The following SBNO2 variants were observed in gnomAD, a reference collection of about 807,000 sequenced individuals.
SBNO2 encodes the protein protein strawberry notch homolog 2.
SBNO2 carries 89 observed loss-of-function variants against 146.3 expected under a neutral mutation model. That is an observed-to-expected ratio of 0.61 (90% CI 0.51 to 0.73). The LOEUF is 0.73. Among genes scored for constraint, SBNO2 ranks in the 30% least tolerant of loss-of-function variants. The probability of loss-of-function intolerance (pLI) is 0.00; values close to 1 mark genes in which losing one functional copy is unlikely to be tolerated. For synonymous variants in SBNO2, 1,147 were observed against 892.6 expected (o/e 1.29, Z -5.08); for missense variants, 2,092 against 2,003.7 (o/e 1.04, Z -0.84).
intron 4 of SBNO2, among the ~76,000 whole-genome samples, chr19:1,142,429 C>G (rs1040508181): frequency 6.6e-6 from 1 of 152,250 alleles, no homozygotes; most frequent in East Asian, 1.9e-4. Context: ...AAACTCAGGG[C>G]TCAGGTGTAT....
chr19:1,128,004 C>T (rs764730639), intron 4 of SBNO2, among the ~76,000 whole-genome samples: 7 of 152,056 alleles, frequency 4.6e-5, no homozygotes, highest in African/African-American at 7.2e-5. Flanking sequence ...TTACTAGGGA[C>T]GGGGTTTCAC....
At chr19:1,114,057 C>A (rs1599827545) in intron 18 of SBNO2, among the ~76,000 whole-genome samples, 174 bp downstream of exon 18, 1 of 152,324 alleles carries the variant, frequency 6.6e-6, no homozygotes, top group East Asian at 1.9e-4. Flanking sequence ...AAAGTGGGCA[C>A]CATAGCAGCA....
Position 1,110,956 on chromosome 19 carries a change from G to T in SBNO2, c.2884+63C>A. On this transcript the variant is annotated intron_variant, in intron 25 of 31. Transcript: ENST00000361757. This position sits in a 1 kb window ranked among gnomAD's most constrained non-coding sequence, Gnocchi z 4.9. ...CCTCTCCCTGCTTTGCTCACCACCC[G>T]AGGCCAAGGTTGCATGAGATGAGAG... 1.9e-6 allele frequency: 3 copies of T among 1,610,470 alleles called. No individual in the cohort carries two copies. Among genetic ancestry groups the T allele is most frequent in the South Asian group, 2.2e-5 (2 of 90,936 alleles).
Position 1,108,306 on chromosome 19 carries a change from C to G in SBNO2, c.4015G>C (p.Ala1339Pro), listed in dbSNP as rs1053323254. Residue 1339 changes from alanine (A) to proline (P), a missense_variant, in exon 32 of 32, where the codon GCG (alanine) becomes CCG (proline). Physicochemically the swap from Ala to Pro is conservative, Grantham distance 27. Transcript: ENST00000361757. Reference sequence around the variant, plus strand: ...GGACCACCGCCCGCCGCGCCCCCCGCCCCCGCGCCCTCCCCCAGCGCGCCC... The same window carrying G: ...GGACCACCGCCCGCCGCGCCCCCCGGCCCCGCGCCCTCCCCCAGCGCGCCC... ...SEGALGEGAG[A>P]GGAAGGGPER... 6.8e-7 allele frequency: 1 copy of G among 1,462,194 alleles called. No individual in the cohort carries two copies. The highest frequency in any genetic ancestry group is 9.1e-7 in the Non-Finnish European group (1 of 1,103,384). The allele number at this position is 1,462,194 out of a possible 1,614,324, so 90.6% of individuals were successfully genotyped here. A position where few individuals can be genotyped will look rare whatever the true frequency, so the allele number is the denominator to read the frequency against.
At chr19:1,156,278 T>TC (rs2080289101) in intron 1 of SBNO2, among the ~76,000 whole-genome samples, 1 of 152,006 alleles carries the variant, frequency 6.6e-6, no homozygotes, top group Non-Finnish European at 1.5e-5. Flanking sequence ...ACCGGGTTCT[T>TC]CAAGGGGAGG....
In SBNO2 at chr19:1,112,800, T is replaced by G. The variant is rs1231850033; in HGVS notation, c.2379+18A>C. 20 of 1,558,454 alleles carry G rather than the reference T, an allele frequency of 1.3e-5. No homozygotes were observed. Among genetic ancestry groups the G allele is most frequent in the Middle Eastern group, 3.5e-4 (2 of 5,754 alleles). On this transcript the variant is annotated intron_variant, in intron 20 of 31. Coordinates refer to ENST00000361757, the MANE Select transcript of SBNO2 (RefSeq NM_014963.3). This position sits in a 1 kb window ranked among gnomAD's most constrained non-coding sequence, Gnocchi z 5.9. Reference sequence around the variant, plus strand: ...CTTGGGTCCCGTGGGCCGCGCCCAGTGCACTGCAGCCCCGCACCTTCTCGC... The same window carrying G: ...CTTGGGTCCCGTGGGCCGCGCCCAGGGCACTGCAGCCCCGCACCTTCTCGC...
chr19:1,163,332 C>G (rs1187093571), intron 1 of SBNO2, among the ~76,000 whole-genome samples: 1 of 152,208 alleles, frequency 6.6e-6, no homozygotes, highest in Admixed American at 6.5e-5. Flanking sequence ...CGGCCGCAGA[C>G]CAAGGGCGCC....
At chr19:1,130,683 T>C (rs1001484744) in intron 4 of SBNO2, among the ~76,000 whole-genome samples, 2 of 151,948 alleles carry the variant, frequency 1.3e-5, no homozygotes, top group African/African-American at 4.8e-5. Flanking sequence ...TCCCAGCTAC[T>C]CAGGAGGCTG....
At position 1,119,160 on chromosome 19, in the gene SBNO2, C is replaced by T. The variant is rs756978453; in HGVS notation, c.1378G>A (p.Val460Ile). Reference protein sequence around the residue: ...EFLHAIEKRGVGAMEIVAMDM... With the variant: ...EFLHAIEKRGIGAMEIVAMDM... ...ATGGCCACGATCTCCATGGCGCCAACGCCCCTGCGGATGGACACAGCCCCC... is the reference window on the plus strand; with the variant it reads ...ATGGCCACGATCTCCATGGCGCCAATGCCCCTGCGGATGGACACAGCCCCC... Residue 460 changes from valine to isoleucine, a missense_variant, in exon 14 of 32, where the codon GTT (valine) becomes ATT (isoleucine). Coordinates refer to ENST00000361757, the MANE Select transcript of SBNO2 (RefSeq NM_014963.3). 1.3e-5 allele frequency: 21 copies of T among 1,595,900 alleles called. No homozygotes were observed. The highest frequency in any genetic ancestry group is 1.6e-4 in the Middle Eastern group (1 of 6,072).
At chr19:1,118,554 C>T (rs570095499) in intron 14 of SBNO2, among the ~76,000 whole-genome samples, 32 of 152,032 alleles carry the variant, frequency 2.1e-4, no homozygotes, top group African/African-American at 7.7e-4. Context: ...GGTCCCATCC[C>T]TCGTTATCAC....
intron 4 of SBNO2, among the ~76,000 whole-genome samples, chr19:1,132,724 C>G (rs1027867090): frequency 3.3e-5 from 5 of 152,200 alleles, no homozygotes; most frequent in East Asian, 1.9e-4. Context: ...CCCCTGCCGC[C>G]GAAGCAAAGT....
At chr19:1,121,039 G>A (rs763920067) in intron 11 of SBNO2, among the ~76,000 whole-genome samples, 6 of 152,098 alleles carry the variant, frequency 3.9e-5, no homozygotes, top group East Asian at 1.9e-4. Context: ...TTACAGGTGC[G>A]CACCACCACG....
At chr19:1,166,749 C>T (rs978710070) in intron 1 of SBNO2, among the ~76,000 whole-genome samples, 5 of 152,208 alleles carry the variant, frequency 3.3e-5, no homozygotes, top group African/African-American at 1.2e-4. Flanking sequence ...AGACGTTAAG[C>T]TAAATCCCCA....
chr19:1,147,757 C>T (rs1273958390), intron 3 of SBNO2, among the ~76,000 whole-genome samples: 1 of 152,088 alleles, frequency 6.6e-6, no homozygotes, highest in Non-Finnish European at 1.5e-5. Context: ...CGATTCAGAA[C>T]CCCAGCCTGG....
At chr19:1,116,797 G>A (rs1330238794) in intron 16 of SBNO2, 32 bp downstream of exon 16, 9 of 1,534,470 alleles carry the variant, frequency 5.9e-6, no homozygotes, top group Middle Eastern at 3.4e-4. Flanking sequence ...AGCGCAGGAA[G>A]CCCACAGTCC....
intron 23 of SBNO2, 138 bp downstream of exon 23, chr19:1,111,858 C>G: frequency 1.1e-6 from 1 of 926,408 alleles, no homozygotes; most frequent in South Asian, 1.6e-5. Context: ...CCTGGGGGTC[C>G]TAGACCCGGC....
intron 1 of SBNO2, chr19:1,155,104 C>G (rs2080278150): frequency 6.6e-6 from 1 of 152,226 alleles, no homozygotes; most frequent in African/African-American, 2.4e-5. Context: ...TGCAGGGACC[C>G]AGGCTGGCCC....
rs576784181 is a variant in SBNO2 at position 1,108,561 on chromosome 19, C to T, written c.3760G>A (p.Gly1254Arg). 232 of 1,044,126 alleles carry T rather than the reference C, an allele frequency of 2.2e-4. No homozygotes were observed. The East Asian group carries it at 0.012, about 53-fold the overall frequency. 64.7% of individuals were successfully genotyped at this position (1,044,126 alleles called of 1,614,324 possible). The change falls in exon 32 of 32, where the codon GGA (glycine) becomes AGA (arginine). Residue 1254 changes from glycine (G) to arginine (R), a missense_variant. Gly to Arg is a moderately radical substitution (Grantham distance 125). Transcript: ENST00000361757. ...CTGTAGGTGAGGTCCAGCACCTCTC[C>T]GGGGCCGCAAGGCAGCGCCAGCGGG... The part of the protein sequence containing the change: ...PRPLALPCGP[G>R]EVLDLTYSPP...
chr19:1,117,117 G>A (rs1032422815), intron 15 of SBNO2, among the ~76,000 whole-genome samples, 191 bp from the exon 16 acceptor site: 7 of 152,162 alleles, frequency 4.6e-5, no homozygotes, highest in African/African-American at 9.7e-5. Context: ...TCTCGGGATG[G>A]TGAGCTGCCC....
Sources: allele counts gnomAD v4.1 joint callset (sites outside exome capture counted in the v4.1 genomes callset), GRCh38; gene constraint gnomAD v4.1.1; non-coding constraint Gnocchi (gnomAD v3.1); transcripts MANE v1.5; gene names NCBI Gene and HGNC (gene_info 2026-07-23, HGNC 2026-07-21).